The following CRIM1 variants were observed in gnomAD, a reference collection of about 807,000 sequenced individuals.
CRIM1 encodes cysteine-rich motor neuron 1 protein.
CRIM1 carries 32 observed loss-of-function variants against 116.4 expected under a neutral mutation model. That is an observed-to-expected ratio of 0.27 (90% CI 0.21 to 0.37). The LOEUF (loss-of-function observed/expected upper bound fraction) is 0.37, where lower values mean the gene tolerates loss of function less well. Ranked by LOEUF, CRIM1 falls within the 10% of genes least tolerant of loss-of-function variation. The probability of loss-of-function intolerance (pLI) is 1.00; values close to 1 mark genes in which losing one functional copy is unlikely to be tolerated. For synonymous variants in CRIM1, 590 were observed against 509.2 expected, an observed-to-expected ratio of 1.16 and a Z score of -2.13; for missense variants, 1,331 against 1,354.8, an observed-to-expected ratio of 0.98 and a Z score of 0.28.
At chr2:36,456,092 T>G (rs1010176546) in intron 4 of CRIM1, among the ~76,000 whole-genome samples, 1 of 152,078 alleles carries the variant, frequency 6.6e-6, no homozygotes, top group African/African-American at 2.4e-5. Context: ...GAGGCTTTGC[T>G]CAGATTTTCA....
chr2:36,512,065 G>C (rs1209223645), intron 9 of CRIM1, among the ~76,000 whole-genome samples: 1 of 152,238 alleles, frequency 6.6e-6, no homozygotes, highest in Non-Finnish European at 1.5e-5. Flanking sequence ...GCACGTAAGT[G>C]CTTGGGCAAC....
At chr2:36,430,070 A>G (rs1174887244) in intron 2 of CRIM1, among the ~76,000 whole-genome samples, 1 of 152,212 alleles carries the variant, frequency 6.6e-6, no homozygotes, top group Non-Finnish European at 1.5e-5. Context: ...CTTCCATTCC[A>G]GCACATCCCG....
intron 4 of CRIM1, among the ~76,000 whole-genome samples, chr2:36,446,535 C>G (rs1364772981): frequency 6.6e-6 from 1 of 152,022 alleles, no homozygotes; most frequent in Non-Finnish European, 1.5e-5. Flanking sequence ...GTTTAATGGC[C>G]TTTCATTTTC....
At chr2:36,482,044 C>A (rs1338433080) in intron 7 of CRIM1, among the ~76,000 whole-genome samples, 1 of 152,150 alleles carries the variant, frequency 6.6e-6, no homozygotes, top group African/African-American at 2.4e-5. Flanking sequence ...TCCCTGAGTT[C>A]ACTTCTAGAG....
At chr2:36,409,493 A>G (rs1048049065) in intron 2 of CRIM1, among the ~76,000 whole-genome samples, 14 of 152,164 alleles carry the variant, frequency 9.2e-5, no homozygotes, top group African/African-American at 1.7e-4. Context: ...CTTGGGGAGG[A>G]TTGTCCTGGG....
chr2:36,548,475 A>G, intron 16 of CRIM1, 50 bp from the exon 17 acceptor site: 1 of 1,416,310 alleles, frequency 7.1e-7, no homozygotes, highest in Non-Finnish European at 9.5e-7. Flanking sequence ...ATTTGAGATA[A>G]TGTAAAGCAA....
intron 14 of CRIM1, among the ~76,000 whole-genome samples, chr2:36,539,728 T>A (rs1267967144): frequency 6.6e-6 from 1 of 152,140 alleles, no homozygotes; most frequent in Non-Finnish European, 1.5e-5. Context: ...GATTTCAATG[T>A]ATGCGGGGAG....
chr2:36,437,338 G>C (rs1445328672), intron 2 of CRIM1, among the ~76,000 whole-genome samples: 2 of 151,746 alleles, frequency 1.3e-5, no homozygotes, highest in Non-Finnish European at 2.9e-5. Flanking sequence ...TTGCACCACT[G>C]TACTCCAGCC....
chr2:36,442,221 G>GT, intron 3 of CRIM1, among the ~76,000 whole-genome samples: 1 of 150,904 alleles, frequency 6.6e-6, no homozygotes. Context: ...TTGTTTTTTT[G>GT]TTTGGGTTTT....
At position 36,513,582 on chromosome 2, in the gene CRIM1, A is replaced by G; in HGVS notation, c.1807A>G (p.Ile603Val). 6.2e-7 allele frequency: 1 copy of G among 1,614,156 alleles called. No individual in the cohort carries two copies. The stretch of plus-strand genomic sequence containing the variant: ...GGCCTCTGCTTCAGCTGGGCCACCC[A>G]TCCTGTCGGGCACTTGTCTCACCGT... ...REASASAGPP[I>V]LSGTCLTVDG... Residue 603 changes from isoleucine (I) to valine (V), a missense_variant, in exon 11 of 17, where the codon ATC becomes GTC. Transcript: ENST00000280527.
In CRIM1 at chr2:36,441,437, A is replaced by G; in HGVS notation, c.685A>G (p.Ile229Val). 1 of 1,614,044 alleles carries G rather than the reference A, an allele frequency of 6.2e-7. No individual in the cohort carries two copies. Among genetic ancestry groups the G allele is most frequent in the Non-Finnish European group, 8.5e-7 (1 of 1,180,032 alleles). Reference protein sequence around the residue: ...RKVCQPGNLNILVSKASGKPG... With the variant: ...RKVCQPGNLNVLVSKASGKPG... ...AGTCTGCCAGCCGGGAAACCTGAAC[A>G]TACTAGTGTCAAAAGCCTCAGGGAA... is the stretch of plus-strand genomic sequence containing the variant. The change falls in exon 3 of 17, where the codon ATA becomes GTA. Residue 229 changes from isoleucine (I) to valine (V), a missense_variant. Around this residue, in one of 3 missense-constraint regions of CRIM1, gnomAD observed 690 missense variants for 676.0 expected, o/e 1.02. Coordinates refer to ENST00000280527, the MANE Select transcript of CRIM1 (RefSeq NM_016441.3).
intron 13 of CRIM1, among the ~76,000 whole-genome samples, chr2:36,530,920 G>A (rs571160798): frequency 2.6e-5 from 4 of 152,260 alleles, no homozygotes; most frequent in East Asian, 1.9e-4. Context: ...GTGCAGGAGC[G>A]TCTCCTGAGG....
intron 2 of CRIM1, among the ~76,000 whole-genome samples, chr2:36,421,855 A>C (rs1027290541): frequency 6.6e-6 from 1 of 151,594 alleles, no homozygotes; most frequent in African/African-American, 2.4e-5. Context: ...CAGTGTTTGC[A>C]GCAGTTTTTT....
intron 1 of CRIM1, among the ~76,000 whole-genome samples, chr2:36,370,486 G>A (rs992079750): frequency 1.3e-5 from 2 of 152,124 alleles, no homozygotes; most frequent in Admixed American, 6.5e-5. Context: ...AAAGGAAAAA[G>A]AAAAGACTTT....
intron 1 of CRIM1, among the ~76,000 whole-genome samples, chr2:36,379,737 T>G (rs1052606397): frequency 3.2e-5 from 4 of 125,712 alleles, no homozygotes; most frequent in African/African-American, 9.6e-5. Flanking sequence ...TTTCTTTCTT[T>G]CTCTCTTTTT....
chr2:36,484,537 G>T (rs1479233004), intron 7 of CRIM1, among the ~76,000 whole-genome samples: 1 of 152,128 alleles, frequency 6.6e-6, no homozygotes, highest in African/African-American at 2.4e-5. Context: ...AAGAGATGTG[G>T]ACAGGTGTGT....
intron 6 of CRIM1, 35 bp downstream of exon 6, chr2:36,477,106 C>A: frequency 1.3e-6 from 2 of 1,515,114 alleles, no homozygotes; most frequent in Non-Finnish European, 1.8e-6. Context: ...TTAACAGGAG[C>A]ATACATGGTA....
intron 5 of CRIM1, among the ~76,000 whole-genome samples, chr2:36,471,388 C>T (rs1678500866): frequency 6.6e-6 from 1 of 152,016 alleles, no homozygotes; most frequent in Non-Finnish European, 1.5e-5. Flanking sequence ...ATGTGGCAAA[C>T]TTCATTATTG....
chr2:36,389,350 A>T (rs1671407245), intron 1 of CRIM1, among the ~76,000 whole-genome samples: 1 of 152,192 alleles, frequency 6.6e-6, no homozygotes, highest in Admixed American at 6.5e-5. Context: ...GGGAGTTAAG[A>T]GCAGCGATTT....
Sources: gnomAD v4.1 joint callset for allele counts (sites outside exome capture counted in the v4.1 genomes callset) on GRCh38, gnomAD v4.1.1 for gene constraint, gnomAD v4.1.1 regional missense constraint, MANE v1.5 for transcripts, NCBI Gene and HGNC (gene_info 2026-07-23, HGNC 2026-07-21) for gene names.